The following PRKACB variants were observed in gnomAD, a reference collection of about 807,000 sequenced individuals.
The protein encoded by PRKACB is cAMP-dependent protein kinase catalytic subunit beta.
A neutral mutation model predicts 51.4 loss-of-function variants in PRKACB; 16 were observed. The observed-to-expected ratio is 0.31, with a 90% CI of 0.21 to 0.47. The LOEUF (loss-of-function observed/expected upper bound fraction) is 0.47. PRKACB is among the 20% of genes least tolerant of loss of function. The pLI, the probability that PRKACB is intolerant of heterozygous loss-of-function variation, is 1.00. For synonymous variants in PRKACB, 147 were observed against 154.4 expected, an observed-to-expected ratio of 0.95 and a Z score of 0.35; for missense variants, 309 against 464.5, an observed-to-expected ratio of 0.67 and a Z score of 3.08.
chr1:84,129,160 T>A (rs1371124620), intron 1 of PRKACB, among the ~76,000 whole-genome samples: 1 of 152,154 alleles, frequency 6.6e-6, no homozygotes, highest in Non-Finnish European at 1.5e-5. Context: ...TCTTTTTATG[T>A]TGAATAGTAA....
At chr1:84,213,071 G>C (rs1672366135) in intron 8 of PRKACB, among the ~76,000 whole-genome samples, 1 of 152,106 alleles carries the variant, frequency 6.6e-6, no homozygotes, top group African/African-American at 2.4e-5. Flanking sequence ...AGAGAGTTTG[G>C]GGATGCGCCT....
chr1:84,165,454 G>A (rs1011686304), intron 1 of PRKACB, among the ~76,000 whole-genome samples: 2 of 151,660 alleles, frequency 1.3e-5, no homozygotes, highest in African/African-American at 4.8e-5. Flanking sequence ...TTGAAAATAA[G>A]ATGCTGCCAG....
chr1:84,195,633 C>T (rs2101182925), intron 5 of PRKACB, among the ~76,000 whole-genome samples: 1 of 152,196 alleles, frequency 6.6e-6, no homozygotes, highest in East Asian at 1.9e-4. Flanking sequence ...AAAGAACTAG[C>T]TGGGTGCGGT....
chr1:84,130,265 C>A (rs1334631027), intron 1 of PRKACB, among the ~76,000 whole-genome samples: 2 of 147,710 alleles, frequency 1.4e-5, no homozygotes, highest in African/African-American at 2.5e-5. Context: ...TCCCTGGTGA[C>A]AAGGAAAAAA....
intron 1 of PRKACB, among the ~76,000 whole-genome samples, chr1:84,093,636 C>T (rs1031972755): frequency 2.0e-5 from 3 of 151,810 alleles, no homozygotes; most frequent in Admixed American, 2.0e-4. Flanking sequence ...TAATTATATA[C>T]ACGAACCTTA....
chr1:84,177,069 T>C (rs957813819), intron 1 of PRKACB, among the ~76,000 whole-genome samples: 1 of 152,040 alleles, frequency 6.6e-6, no homozygotes, highest in Non-Finnish European at 1.5e-5. Context: ...ATGTTAAAGT[T>C]GTTTTTTTTA....
chr1:84,213,146 C>A (rs931588203), intron 8 of PRKACB, among the ~76,000 whole-genome samples: 2 of 151,924 alleles, frequency 1.3e-5, no homozygotes, highest in Non-Finnish European at 2.9e-5. Context: ...CTGTAATAAT[C>A]CAGATATGTA....
At chr1:84,170,681 T>C (rs1659150563) in intron 1 of PRKACB, among the ~76,000 whole-genome samples, 1 of 151,514 alleles carries the variant, frequency 6.6e-6, no homozygotes, top group African/African-American at 2.4e-5. Flanking sequence ...ACACACATAC[T>C]GCAAATGATA....
At chr1:84,130,625 C>T (rs1291687636) in intron 1 of PRKACB, among the ~76,000 whole-genome samples, 1 of 152,118 alleles carries the variant, frequency 6.6e-6, no homozygotes, top group African/African-American at 2.4e-5. Context: ...TATGTAATGG[C>T]TGAAAACTTC....
At chr1:84,153,999 G>C (rs185782443) in intron 1 of PRKACB, among the ~76,000 whole-genome samples, 9 of 152,054 alleles carry the variant, frequency 5.9e-5, no homozygotes, top group Admixed American at 2.0e-4. Flanking sequence ...AGTGTGCAAG[G>C]GTTCTGTTTT....
At chr1:84,086,303 T>A in intron 1 of PRKACB, 1 of 985,892 alleles carries the variant, frequency 1.0e-6, no homozygotes, top group Non-Finnish European at 1.6e-6. Context: ...TCCTGCTGCC[T>A]CCCTCCTGTC....
At position 84,236,609 on chromosome 1, in the gene PRKACB, GCAGATA is replaced by G. The variant is rs1171877853; in HGVS notation, c.*1307_*1312del. 3 of 152,620 alleles carry G rather than the reference GCAGATA, an allele frequency of 2.0e-5. No homozygotes were observed. The highest frequency in any genetic ancestry group is 7.2e-5 in the African/African-American group (3 of 41,456). The allele number at this position is 152,620 out of a possible 1,614,324, so 9.5% of individuals were successfully genotyped here. A position where few individuals can be genotyped will look rare whatever the true frequency, so the allele number is the denominator to read the frequency against. On this transcript the variant is annotated 3_prime_UTR_variant, in exon 10 of 10. Transcript: ENST00000370685. ...GTAAACAGAATGTCTGATCGATCATGCAGATACAATGTTGGTATTTGAGAGGTTAGT... is the reference window on the plus strand; with the variant it reads ...GTAAACAGAATGTCTGATCGATCATGCAATGTTGGTATTTGAGAGGTTAGT...
chr1:84,198,081 C>A (rs1432831892), intron 7 of PRKACB, among the ~76,000 whole-genome samples: 1 of 151,976 alleles, frequency 6.6e-6, no homozygotes, highest in Non-Finnish European at 1.5e-5. Context: ...TGTTTTGCAA[C>A]CAAAAACATA....
chr1:84,109,998 C>A (rs1336914380), intron 1 of PRKACB, among the ~76,000 whole-genome samples: 2 of 151,514 alleles, frequency 1.3e-5, no homozygotes, highest in East Asian at 3.9e-4. Flanking sequence ...TTTAAAAGGC[C>A]TACTCATACT....
At chr1:84,210,367 T>C (rs573513656) in intron 8 of PRKACB, among the ~76,000 whole-genome samples, 1 of 152,334 alleles carries the variant, frequency 6.6e-6, no homozygotes, top group South Asian at 2.1e-4. Flanking sequence ...CCCATAACCT[T>C]ATCTCTCAGA....
chr1:84,234,730 C>A (rs926120704), intron 9 of PRKACB, among the ~76,000 whole-genome samples: 3 of 152,248 alleles, frequency 2.0e-5, no homozygotes, highest in Non-Finnish European at 2.9e-5. Flanking sequence ...CTCCCTGACC[C>A]CTTGCGCTTC....
chr1:84,149,645 A>T (rs1654585601), intron 1 of PRKACB, among the ~76,000 whole-genome samples: 1 of 152,204 alleles, frequency 6.6e-6, no homozygotes, highest in African/African-American at 2.4e-5. Flanking sequence ...ACTATTTTGT[A>T]TTAAATCATA....
rs141653821 is a variant in PRKACB at position 84,168,925 on chromosome 1, A to G, written c.188-10252A>G. On this transcript the variant is annotated intron_variant, in intron 1 of 9. Coordinates refer to ENST00000370685, the MANE Select transcript of PRKACB (RefSeq NM_182948.4). The stretch of plus-strand genomic sequence containing the variant: ...GGCATCACTACCAGCAAGGAATCCT[A>G]TAGTCCTGGCCACATTCCCATTTAT... Among the ~76,000 whole-genome samples the G allele has an allele frequency of 4.6e-5, 7 of 151,694 alleles. No individual in the cohort carries two copies. The East Asian group carries it at 1.4e-3, about 30-fold the overall frequency.
At chr1:84,197,525 T>G (rs1668550191) in intron 6 of PRKACB, among the ~76,000 whole-genome samples, 1 of 152,150 alleles carries the variant, frequency 6.6e-6, no homozygotes, top group African/African-American at 2.4e-5. Context: ...TCCTTTTCTT[T>G]GAGTTGAGGA....
Sources: allele counts gnomAD v4.1 joint callset (sites outside exome capture counted in the v4.1 genomes callset), GRCh38; gene constraint gnomAD v4.1.1; transcripts MANE v1.5; gene names NCBI Gene and HGNC (gene_info 2026-07-23, HGNC 2026-07-21).